Variants in A1CF observed in about 807,000 individuals in gnomAD.
A1CF encodes APOBEC1 complementation factor.
A1CF carries 48 observed loss-of-function variants against 68.9 expected under a neutral mutation model. The ratio of observed to expected loss-of-function variants is 0.70; its 90% CI spans 0.55 to 0.89. The LOEUF is 0.89. A1CF is among the 40% of genes least tolerant of loss of function. A1CF has a pLI of 0.00. For missense variants in A1CF, 653 were observed against 718.9 expected (o/e 0.91, Z 1.05); for synonymous variants, 272 against 260.4 (o/e 1.04, Z -0.43).
intron 3 of A1CF, among the ~76,000 whole-genome samples, chr10:50,848,575 G>T (rs1840099661): frequency 6.6e-6 from 1 of 152,142 alleles, no homozygotes; most frequent in African/African-American, 2.4e-5. Flanking sequence ...CATTCAGCCT[G>T]TTTTTTCCTG....
At chr10:50,864,888 G>C (rs1840914043) in intron 1 of A1CF, among the ~76,000 whole-genome samples, 1 of 152,138 alleles carries the variant, frequency 6.6e-6, no homozygotes, top group South Asian at 2.1e-4. Context: ...AAAGTGCTGG[G>C]ATTACAGGAG....
intron 1 of A1CF, among the ~76,000 whole-genome samples, chr10:50,864,833 G>A (rs946522966): frequency 3.3e-5 from 5 of 152,052 alleles, no homozygotes; most frequent in Non-Finnish European, 5.9e-5. Flanking sequence ...GGTCAGGCTG[G>A]TCTCGACCTC....
intron 12 of A1CF, among the ~76,000 whole-genome samples, 162 bp downstream of exon 12, chr10:50,809,732 T>C (rs1838005314): frequency 6.6e-6 from 1 of 152,210 alleles, no homozygotes; most frequent in Non-Finnish European, 1.5e-5. Flanking sequence ...GCCTCGTGTT[T>C]TAATGAGTCA....
At position 50,832,047 on chromosome 10, in the gene A1CF, G is replaced by A. The variant is rs111385601; in HGVS notation, c.605-3752C>T. ...AAAAATAGAGCTACCATATGATCCCGCAATCACCATACTGGGTATGTATTC... is the reference window on the plus strand; with the variant it reads ...AAAAATAGAGCTACCATATGATCCCACAATCACCATACTGGGTATGTATTC... On this transcript the variant is annotated intron_variant, in intron 6 of 12. Transcript: ENST00000373997. 6.1e-3 allele frequency among the ~76,000 whole-genome samples: 923 copies of A among 152,164 alleles called. 9 individuals carry two copies. Among genetic ancestry groups the A allele is most frequent in the African/African-American group, 0.021 (860 of 41,496 alleles).
chr10:50,855,616 G>T (rs1388150518), intron 3 of A1CF, among the ~76,000 whole-genome samples: 4 of 151,826 alleles, frequency 2.6e-5, no homozygotes, highest in African/African-American at 9.7e-5. Context: ...TTAGAAGCAG[G>T]CATTATTGCA....
intron 1 of A1CF, among the ~76,000 whole-genome samples, chr10:50,880,717 C>A (rs913165610): frequency 6.6e-6 from 1 of 152,136 alleles, no homozygotes; most frequent in Non-Finnish European, 1.5e-5. Context: ...AAGCACTAAG[C>A]AGAATCCCAG....
At chr10:50,842,300 A>G (rs1172556950) in intron 4 of A1CF, among the ~76,000 whole-genome samples, 1 of 152,210 alleles carries the variant, frequency 6.6e-6, no homozygotes, top group Non-Finnish European at 1.5e-5. Context: ...ATTATCTGGA[A>G]CATCTTAGAG....
At chr10:50,842,990 T>C (rs530021988) in intron 4 of A1CF, among the ~76,000 whole-genome samples, 3 of 152,314 alleles carry the variant, frequency 2.0e-5, no homozygotes, top group African/African-American at 7.2e-5. Context: ...TGCAGCAATC[T>C]AGACTGAGCA....
chr10:50,840,297 G>C (rs1420712063), intron 5 of A1CF, among the ~76,000 whole-genome samples: 1 of 144,040 alleles, frequency 6.9e-6, no homozygotes, highest in African/African-American at 2.6e-5. Flanking sequence ...TTTATCATTT[G>C]TCGGCTTATC....
At chr10:50,857,591 G>A (rs575659710) in intron 3 of A1CF, among the ~76,000 whole-genome samples, 6 of 152,242 alleles carry the variant, frequency 3.9e-5, no homozygotes, top group South Asian at 2.1e-4. Flanking sequence ...ATTGGGAGGC[G>A]CCTGTCATTT....
chr10:50,843,126 G>A (rs1462179626), intron 4 of A1CF, among the ~76,000 whole-genome samples: 7 of 152,158 alleles, frequency 4.6e-5, no homozygotes, highest in Non-Finnish European at 5.9e-5. Flanking sequence ...CCTTACCCTA[G>A]CCCACCCTCA....
chr10:50,816,499 C>A, intron 8 of A1CF: 3 of 547,168 alleles, frequency 5.5e-6, no homozygotes, highest in African/African-American at 1.9e-5. Context: ...TTGACAGTGA[C>A]ATATTGGCCA....
intron 6 of A1CF, among the ~76,000 whole-genome samples, chr10:50,829,171 G>C (rs1839116007): frequency 6.6e-6 from 1 of 152,010 alleles, no homozygotes; most frequent in African/African-American, 2.4e-5. Flanking sequence ...GCTTTAGAGA[G>C]GATAACTTTC....
At chr10:50,837,475 C>A (rs12262683) in intron 5 of A1CF, among the ~76,000 whole-genome samples, 4,150 of 152,222 alleles carry the variant, frequency 0.027, 201 homozygotes, top group African/African-American at 0.092. Flanking sequence ...TAAAAGTGAG[C>A]CCTAGAATTT....
chr10:50,819,414 C>T (rs1367177913), intron 8 of A1CF, among the ~76,000 whole-genome samples: 2 of 152,162 alleles, frequency 1.3e-5, no homozygotes, highest in Admixed American at 6.6e-5. Flanking sequence ...CGAGCCACTG[C>T]ACCCAGCAAC....
intron 9 of A1CF, 110 bp downstream of exon 9, chr10:50,815,895 AT>A: frequency 1.5e-6 from 2 of 1,293,790 alleles, no homozygotes; most frequent in South Asian, 1.5e-5. Context: ...TTAATAAACA[AT>A]TTTTCAGTGC....
rs369442727 is a variant in A1CF at position 50,863,491 on chromosome 10, A to C, written c.-46+542T>G. ...TTTGGAAAGATAGAGAAAAGCTTTC[A>C]TGAGTATTTATCACCTATTAATTCA... On this transcript the variant is annotated intron_variant, in intron 2 of 12. Transcript: ENST00000373997. Among the ~76,000 whole-genome samples the C allele has an allele frequency of 3.5e-4, 53 of 152,348 alleles. 2 individuals are homozygous for C. In the South Asian group the frequency reaches 9.9e-3, roughly 29 times the overall value.
intron 6 of A1CF, among the ~76,000 whole-genome samples, chr10:50,835,233 G>T (rs1839433044): frequency 6.6e-6 from 1 of 151,848 alleles, no homozygotes; most frequent in South Asian, 2.1e-4. Flanking sequence ...GATATCTAGG[G>T]GGCTGATCTA....
At chr10:50,807,695 T>C (rs537016968) in intron 12 of A1CF, among the ~76,000 whole-genome samples, 1 of 152,348 alleles carries the variant, frequency 6.6e-6, no homozygotes, top group East Asian at 1.9e-4. Context: ...GCATTATTTC[T>C]CTGTATTGTT....
Sources: allele counts gnomAD v4.1 joint callset (sites outside exome capture counted in the v4.1 genomes callset), GRCh38; gene constraint gnomAD v4.1.1; transcripts MANE v1.5; gene names NCBI Gene and HGNC (gene_info 2026-07-23, HGNC 2026-07-21).